The following TRAF2 variants were observed in gnomAD, a reference collection of about 807,000 sequenced individuals.
TRAF2 encodes the protein TNF receptor-associated factor 2.
TRAF2 carries 6 observed loss-of-function variants against 55.6 expected under a neutral mutation model. The ratio of observed to expected loss-of-function variants is 0.11; its 90% CI spans 0.06 to 0.21. The LOEUF (loss-of-function observed/expected upper bound fraction) is 0.21, where lower values mean the gene tolerates loss of function less well. Among genes scored for constraint, TRAF2 ranks in the 10% least tolerant of loss-of-function variants. The probability of loss-of-function intolerance (pLI) is 1.00; values close to 1 mark genes in which losing one functional copy is unlikely to be tolerated. For missense variants in TRAF2, 561 were observed against 684.5 expected (o/e 0.82, Z 2.01); for synonymous variants, 329 against 276.3 (o/e 1.19, Z -1.89).
At position 136,918,630 on chromosome 9, in the gene TRAF2, C is replaced by A. The variant is rs990797814; in HGVS notation, c.679-1604C>A. 2.0e-5 allele frequency among the ~76,000 whole-genome samples: 3 copies of A among 152,246 alleles called. No homozygotes were observed. In the East Asian group the frequency reaches 5.8e-4, roughly 29 times the overall value. On this transcript the variant is annotated intron_variant, in intron 7 of 10. Coordinates refer to ENST00000247668, the MANE Select transcript of TRAF2 (RefSeq NM_021138.4). The stretch of plus-strand genomic sequence containing the variant: ...TGGAAATTTGAAAATAATTTAATTG[C>A]AAAGTCAAGTCTATAAAATGAGGTA...
At chr9:136,906,465 C>T (rs566448061) in intron 4 of TRAF2, among the ~76,000 whole-genome samples, 1 of 152,114 alleles carries the variant, frequency 6.6e-6, no homozygotes, top group Non-Finnish European at 1.5e-5. Context: ...ATCAAACCAT[C>T]AGATCCCATG....
Position 136,898,948 on chromosome 9 carries a change from T to TGGGAGGAGGGGCAGGCA in TRAF2, c.188+23_188+39dup. On this transcript the variant is annotated intron_variant, in intron 2 of 10. Transcript: ENST00000247668. ...CCTCAGGTGCATGGGGCCTGCAGGCTGGGAGGAGGGGCAGGCAGGCTAGGC... is the reference window on the plus strand; with the variant it reads ...CCTCAGGTGCATGGGGCCTGCAGGCTGGGAGGAGGGGCAGGCAGGGAGGAGGGGCAGGCAGGCTAGGC... The TGGGAGGAGGGGCAGGCA allele has an allele frequency of 1.3e-6, 2 of 1,584,930 alleles. No homozygotes were observed. The highest frequency in any genetic ancestry group is 8.6e-7 in the Non-Finnish European group (1 of 1,166,318).
intron 10 of TRAF2, among the ~76,000 whole-genome samples, chr9:136,924,931 G>GT (rs1850489448): frequency 6.6e-6 from 1 of 152,110 alleles, no homozygotes; most frequent in Non-Finnish European, 1.5e-5. Context: ...TAGAGATGGG[G>GT]TTTCTCCATG....
chr9:136,920,471 C>G lies in TRAF2; in HGVS notation c.916C>G (p.Gln306Glu), dbSNP rs753249694. ...VAMTAEACSR[Q>E]HRLDQDKIEA... ...CATGACTGCCGAGGCCTGCAGCCGG[C>G]AGCACCGGCTGGACCAAGACAAGAT... The change falls in exon 8 of 11, where the codon CAG becomes GAG. Residue 306 changes from glutamine (Q) to glutamate (E), a missense_variant. Transcript: ENST00000247668. The G allele has an allele frequency of 6.2e-7, 1 of 1,613,580 alleles. No homozygotes were observed. The highest frequency in any genetic ancestry group is 1.1e-5 in the South Asian group (1 of 91,060).
At chr9:136,898,308 T>G (rs1849733338) in intron 1 of TRAF2, among the ~76,000 whole-genome samples, 1 of 152,214 alleles carries the variant, frequency 6.6e-6, no homozygotes. Context: ...TAAAACATGC[T>G]TATTGCAGGA....
chr9:136,918,104 G>A (rs1321887505), intron 7 of TRAF2, among the ~76,000 whole-genome samples: 1 of 151,632 alleles, frequency 6.6e-6, no homozygotes, highest in African/African-American at 2.4e-5. Context: ...AATGCAGGGC[G>A]AGCTCTCGTC....
rs113301134 is a variant in TRAF2, at chr9:136,906,525, A to G, written c.367-1545A>G. Among the ~76,000 whole-genome samples the G allele has an allele frequency of 6.8e-4, 103 of 152,070 alleles. 1 individual carries two copies. The highest frequency in any genetic ancestry group is 2.0e-3 in the Admixed American group (31 of 15,282). ...CGGGAAAAACCCACCCCATGATTCAATGACCTCCCACCAGGCCCCTCCCAC... is the reference window on the plus strand; with the variant it reads ...CGGGAAAAACCCACCCCATGATTCAGTGACCTCCCACCAGGCCCCTCCCAC... On this transcript the variant is annotated intron_variant, in intron 4 of 10. Transcript: ENST00000247668.
chr9:136,911,673 C>A (rs1850109640), intron 6 of TRAF2, among the ~76,000 whole-genome samples: 1 of 152,050 alleles, frequency 6.6e-6, no homozygotes, highest in Admixed American at 6.6e-5. Context: ...CAGGGCAGTC[C>A]TGTCTAGGCA....
intron 4 of TRAF2, chr9:136,901,928 A>G (rs1319997500): frequency 6.6e-6 from 1 of 152,168 alleles, no homozygotes; most frequent in Non-Finnish European, 1.5e-5. Context: ...ATCTTTTGAC[A>G]GACTCTGCTT....
intron 7 of TRAF2, 67 bp from the exon 8 acceptor site, chr9:136,920,164 TTGG>T (rs1329959983): frequency 8.7e-6 from 13 of 1,500,540 alleles, no homozygotes; most frequent in African/African-American, 2.8e-5. Flanking sequence ...GGCCCACGTC[TTGG>T]TGGCCGTCCC....
At position 136,925,797 on chromosome 9, in the gene TRAF2, G is replaced by A. The variant is rs765326395; in HGVS notation, c.1402G>A (p.Gly468Ser). ...AGTCAACGACATGAACATCGCAAGC[G>A]GCTGCCCCCTCTTCTGCCCCGTCTC... is the stretch of plus-strand genomic sequence containing the variant. ...RPVNDMNIAS[G>S]CPLFCPVSKM... The change falls in exon 11 of 11, where the codon GGC (glycine) becomes AGC (serine). Residue 468 changes from glycine to serine, a missense_variant. Gly to Ser is a moderately conservative substitution (Grantham distance 56). Coordinates refer to ENST00000247668, the MANE Select transcript of TRAF2 (RefSeq NM_021138.4). The A allele has an allele frequency of 4.3e-6, 7 of 1,614,094 alleles. No individual in the cohort carries two copies. Among genetic ancestry groups the A allele is most frequent in the African/African-American group, 1.3e-5 (1 of 74,944 alleles).
chr9:136,904,366 G>A (rs892763663), intron 4 of TRAF2, among the ~76,000 whole-genome samples: 3 of 151,996 alleles, frequency 2.0e-5, no homozygotes, highest in African/African-American at 7.3e-5. Flanking sequence ...CACTGTGCCC[G>A]GCCATTTTAC....
rs1226027104 is a variant in TRAF2, at chr9:136,900,444, G to T, written c.290G>T (p.Arg97Leu). Reference sequence around the variant, plus strand: ...CAGGCCTTCCCAGATAATGCTGCCCGCAGGGAGGTGGAGAGCCTGCCGGCC... The same window carrying T: ...CAGGCCTTCCCAGATAATGCTGCCCTCAGGGAGGTGGAGAGCCTGCCGGCC... ...SSSAFPDNAA[R>L]REVESLPAVC... The change falls in exon 4 of 11, where the codon CGC becomes CTC. Residue 97 changes from arginine (R) to leucine (L), a missense_variant. Transcript: ENST00000247668. 3 of 1,607,824 alleles carry T rather than the reference G, an allele frequency of 1.9e-6. No homozygotes were observed. The highest frequency in any genetic ancestry group is 2.6e-6 in the Non-Finnish European group (3 of 1,176,190).
At chr9:136,891,964 C>G (rs905694227) in intron 1 of TRAF2, among the ~76,000 whole-genome samples, 1 of 149,368 alleles carries the variant, frequency 6.7e-6, no homozygotes, top group South Asian at 2.1e-4. Context: ...GTGATCCACC[C>G]GCCTCAGCCT....
chr9:136,888,183 T>G (rs1286762918), intron 1 of TRAF2, among the ~76,000 whole-genome samples: 1 of 152,056 alleles, frequency 6.6e-6, no homozygotes, highest in Non-Finnish European at 1.5e-5. Context: ...GAAATTACAG[T>G]TTTAAAGTTA....
intron 9 of TRAF2, 141 bp downstream of exon 9, chr9:136,921,356 C>T: frequency 2.7e-6 from 3 of 1,095,188 alleles, no homozygotes; most frequent in Non-Finnish European, 2.6e-6. Context: ...AGCTACACCT[C>T]CCTGAGTGGC....
At chr9:136,905,427 T>G (rs1849924229) in intron 4 of TRAF2, among the ~76,000 whole-genome samples, 1 of 152,100 alleles carries the variant, frequency 6.6e-6, no homozygotes, top group South Asian at 2.1e-4. Flanking sequence ...TAGATGGTGC[T>G]GGGGGCTGGA....
chr9:136,909,090 A>G (rs1352234446), intron 5 of TRAF2, among the ~76,000 whole-genome samples: 1 of 152,158 alleles, frequency 6.6e-6, no homozygotes, highest in Non-Finnish European at 1.5e-5. Context: ...TTTAGGACAA[A>G]AAAGCATTTT....
rs35257683 is a variant in TRAF2, at chr9:136,908,093, G to A, written c.390G>A (p.Pro130=). 460 of 1,605,400 alleles carry A rather than the reference G, an allele frequency of 2.9e-4. No homozygotes were observed. In the African/African-American group the frequency reaches 5.4e-3, roughly 19 times the overall value. Residue 130 remains proline (P), a synonymous_variant, in exon 5 of 11, where the codon CCG becomes CCA. Transcript: ENST00000247668. The part of the protein sequence containing the change: ...EYESCHEGRC[P]LMLTECPACK... ...AGAGCTGCCACGAAGGCCGCTGCCCGCTCATGCTGACCGAATGTCCCGCGT... is the reference window on the plus strand; with the variant it reads ...AGAGCTGCCACGAAGGCCGCTGCCCACTCATGCTGACCGAATGTCCCGCGT...
Sources: allele counts gnomAD v4.1 joint callset (sites outside exome capture counted in the v4.1 genomes callset), GRCh38; gene constraint gnomAD v4.1.1; transcripts MANE v1.5; gene names NCBI Gene and HGNC (gene_info 2026-07-23, HGNC 2026-07-21).